UNC13C: variants seen among roughly 807,000 people sequenced by gnomAD.
The protein encoded by UNC13C is unc-13 homolog C.
Under a neutral mutation model 245.4 loss-of-function variants are expected in UNC13C, and 174 were observed. The observed-to-expected ratio is 0.71, with a 90% confidence interval of 0.63 to 0.80. UNC13C has a LOEUF of 0.80. Among genes scored for constraint, UNC13C ranks in the 30% least tolerant of loss-of-function variants. The probability of loss-of-function intolerance (pLI) is 0.00; values close to 1 mark genes in which losing one functional copy is unlikely to be tolerated. For synonymous variants in UNC13C, 992 were observed against 895.1 expected (o/e 1.11, Z -1.93); for missense variants, 2,829 against 2,602.9 (o/e 1.09, Z -1.89).
chr15:54,032,559 A>G (rs1372407533), intron 2 of UNC13C, among the ~76,000 whole-genome samples: 1 of 152,218 alleles, frequency 6.6e-6, no homozygotes, highest in African/African-American at 2.4e-5. Flanking sequence ...AGTAGACAAC[A>G]AAGGAAGATA....
chr15:54,584,965 A>G lies in UNC13C; in HGVS notation c.6106+17018A>G, dbSNP rs977504103. The stretch of plus-strand genomic sequence containing the variant: ...CTAATTTTTCCAAACATTTAAAGTG[A>G]TGCTATGGCCATTTGAGTAAAACCA... On this transcript the variant is annotated intron_variant, in intron 30 of 32. Coordinates refer to ENST00000260323, the MANE Select transcript of UNC13C (RefSeq NM_001080534.3). Among the ~76,000 whole-genome samples the G allele has an allele frequency of 8.5e-5, 13 of 152,350 alleles. No individual in the cohort carries two copies. In the East Asian group the frequency reaches 2.1e-3, roughly 25 times the overall value.
At chr15:54,153,954 G>A (rs951005163) in intron 4 of UNC13C, among the ~76,000 whole-genome samples, 2 of 151,730 alleles carry the variant, frequency 1.3e-5, no homozygotes, top group Admixed American at 1.3e-4. Context: ...GGGTACCTGT[G>A]GTATTTTGAT....
intron 30 of UNC13C, among the ~76,000 whole-genome samples, chr15:54,610,950 A>T (rs1900059963): frequency 6.6e-6 from 1 of 152,228 alleles, no homozygotes; most frequent in South Asian, 2.1e-4. Flanking sequence ...AATTTTAGAC[A>T]ACTATACTTT....
intron 4 of UNC13C, among the ~76,000 whole-genome samples, chr15:54,144,984 G>T (rs922150016): frequency 6.6e-6 from 1 of 151,684 alleles, no homozygotes; most frequent in Non-Finnish European, 1.5e-5. Flanking sequence ...CCAAGACCGG[G>T]TTTTGCCATA....
In UNC13C at chr15:54,396,258, C is replaced by T. The variant is rs552008197; in HGVS notation, c.4847+3077C>T. Among the ~76,000 whole-genome samples the T allele has an allele frequency of 7.4e-3, 1,122 of 151,778 alleles. 11 individuals carry two copies. The highest frequency in any genetic ancestry group is 0.013 in the Non-Finnish European group (888 of 67,668). On this transcript the variant is annotated intron_variant, in intron 18 of 32. Transcript: ENST00000260323. The stretch of plus-strand genomic sequence containing the variant: ...CATCCACTTTTGTAATTCATCCACT[C>T]CTCCACCATCCCCAGGCAATGCCCC...
intron 2 of UNC13C, among the ~76,000 whole-genome samples, chr15:54,066,747 G>A (rs552099364): frequency 6.6e-6 from 1 of 152,082 alleles, no homozygotes; most frequent in Non-Finnish European, 1.5e-5. Flanking sequence ...GAGGCCAGTG[G>A]CTACAGTATT....
chr15:53,845,949 C>T, the UNC13C span, among the ~76,000 whole-genome samples: 1 of 152,100 alleles, frequency 6.6e-6, no homozygotes, highest in Non-Finnish European at 1.5e-5. Flanking sequence ...AAAAGCCTTA[C>T]ACACTCAGTA....
chr15:54,194,331 T>C (rs1387309387), intron 4 of UNC13C, among the ~76,000 whole-genome samples: 1 of 152,134 alleles, frequency 6.6e-6, no homozygotes, highest in African/African-American at 2.4e-5. Flanking sequence ...AATTGCACCC[T>C]TAGCTGAAGG....
At chr15:54,517,010 G>C (rs905684056) in intron 24 of UNC13C, among the ~76,000 whole-genome samples, 1 of 151,910 alleles carries the variant, frequency 6.6e-6, no homozygotes, top group Non-Finnish European at 1.5e-5. Context: ...AAAGGTAGTC[G>C]ATTTGCAATC....
chr15:54,475,449 C>A lies in UNC13C; in HGVS notation c.4934-19159C>A, dbSNP rs1432243288. 2.6e-5 allele frequency among the ~76,000 whole-genome samples: 4 copies of A among 151,600 alleles called. No individual in the cohort carries two copies. In the East Asian group the frequency reaches 5.9e-4, roughly 22 times the overall value. On this transcript the variant is annotated intron_variant, in intron 19 of 32. Coordinates refer to ENST00000260323, the MANE Select transcript of UNC13C (RefSeq NM_001080534.3). ...ATTAGGTATATCTCCTAATGCTATC[C>A]CTCCCCTCTCCCCCCACCCCACAAC...
chr15:54,455,203 CTCTATATATATA>C (rs1174720784), intron 19 of UNC13C, among the ~76,000 whole-genome samples: 5 of 27,324 alleles, frequency 1.8e-4, no homozygotes, highest in African/African-American at 2.4e-4. Context: ...CTCTCTCTCT[CTCTATATATATA>C]TATATATATA....
Position 54,533,067 on chromosome 15 carries a change from G to GT in UNC13C, c.5696+2dup, listed in dbSNP as rs758264606. On this transcript the variant is annotated splice_donor_variant, in intron 26 of 32. Transcript: ENST00000260323. LOFTEE classifies it high-confidence loss of function. The stretch of plus-strand genomic sequence containing the variant: ...CTCTTATGGATTTTTTGGACAAAAC[G>GT]TAAGTTTTTTTGCCCAGTTTTCTCT... 1 of 1,584,514 alleles carries GT rather than the reference G, an allele frequency of 6.3e-7. No homozygotes were observed. Among genetic ancestry groups the GT allele is most frequent in the Non-Finnish European group, 8.6e-7 (1 of 1,165,046 alleles).
intron 2 of UNC13C, among the ~76,000 whole-genome samples, chr15:54,076,565 T>C (rs181271256): frequency 2.0e-5 from 3 of 152,286 alleles, no homozygotes; most frequent in African/African-American, 7.2e-5. Flanking sequence ...TTTAAAGTGT[T>C]TACAGTTCCC....
the UNC13C span, among the ~76,000 whole-genome samples, chr15:53,931,262 G>C: frequency 6.6e-6 from 1 of 151,994 alleles, no homozygotes; most frequent in African/African-American, 2.4e-5. Flanking sequence ...TCTGCCTCTC[G>C]GGTTCAAGTG....
intron 29 of UNC13C, among the ~76,000 whole-genome samples, chr15:54,565,877 C>T (rs1897489186): frequency 6.6e-6 from 1 of 151,950 alleles, no homozygotes; most frequent in South Asian, 2.1e-4. Flanking sequence ...ATCTTTTCTG[C>T]TCCTTTTTCC....
chr15:54,140,789 T>C (rs1306537834), intron 2 of UNC13C, among the ~76,000 whole-genome samples: 1 of 151,950 alleles, frequency 6.6e-6, no homozygotes, highest in Non-Finnish European at 1.5e-5. Context: ...GGATTTTATG[T>C]TCTTTCATGA....
At chr15:54,060,074 A>G (rs1595787919) in intron 2 of UNC13C, among the ~76,000 whole-genome samples, 8 of 152,354 alleles carry the variant, frequency 5.3e-5, no homozygotes, top group Admixed American at 5.2e-4. Flanking sequence ...CTTCATGTCT[A>G]AAACACCAAA....
intron 17 of UNC13C, among the ~76,000 whole-genome samples, chr15:54,382,751 T>C (rs2039754640): frequency 6.6e-6 from 1 of 151,954 alleles, no homozygotes; most frequent in Non-Finnish European, 1.5e-5. Context: ...AAGAAACCAA[T>C]GCAAAAGTTG....
chr15:54,174,611 C>G (rs2033541378), intron 4 of UNC13C, among the ~76,000 whole-genome samples: 1 of 152,116 alleles, frequency 6.6e-6, no homozygotes, highest in African/African-American at 2.4e-5. Context: ...ATACCAAGTT[C>G]TTTGAACAGT....
Sources: allele counts gnomAD v4.1 joint callset (sites outside exome capture counted in the v4.1 genomes callset), GRCh38; gene constraint gnomAD v4.1.1; transcripts MANE v1.5; gene names NCBI Gene and HGNC (gene_info 2026-07-23, HGNC 2026-07-21).